Variants in PDIA6 observed in about 807,000 individuals in gnomAD.
PDIA6 encodes protein disulfide isomerase family A member 6.
Under a neutral mutation model 58.4 loss-of-function variants are expected in PDIA6, and 29 were observed. The ratio of observed to expected loss-of-function variants is 0.50; its 90% CI spans 0.37 to 0.68. PDIA6 has a LOEUF of 0.68. Among genes scored for constraint, PDIA6 ranks in the 30% least tolerant of loss-of-function variants. The probability of loss-of-function intolerance (pLI) is 0.00; values close to 1 mark genes in which losing one functional copy is unlikely to be tolerated. For synonymous variants in PDIA6, 192 were observed against 202.6 expected (o/e 0.95, Z 0.44); for missense variants, 480 against 551.0 (o/e 0.87, Z 1.29).
intron 1 of PDIA6, among the ~76,000 whole-genome samples, chr2:10,806,624 A>AAGACAGACAGACAGACAGACAGACAGAC (rs1188648071): frequency 6.4e-5 from 9 of 139,658 alleles, no homozygotes; most frequent in Non-Finnish European, 1.1e-4. Context: ...CTAAAAAATA[A>AAGACAGACAGACAGACAGACAGACAGAC]AGACAGAAAG....
At chr2:10,793,900 G>A (rs959841624) in intron 4 of PDIA6, among the ~76,000 whole-genome samples, 3 of 152,164 alleles carry the variant, frequency 2.0e-5, no homozygotes, top group African/African-American at 4.8e-5. Flanking sequence ...CCAAGTAACT[G>A]GAAACCATTC....
chr2:10,802,375 T>C, intron 2 of PDIA6, 124 bp downstream of exon 2: 1 of 540,244 alleles, frequency 1.9e-6, no homozygotes, highest in Non-Finnish European at 3.0e-6. Context: ...TTCCCTCTTC[T>C]CTACTTCTTT....
chr2:10,784,044 ATTCACCGGCTACAAC>A lies in PDIA6; in HGVS notation c.*199_*213del. The A allele has an allele frequency of 2.5e-6, 1 of 401,498 alleles. No individual in the cohort carries two copies. The highest frequency in any genetic ancestry group is 4.4e-6 in the Non-Finnish European group (1 of 226,260). The allele number at this position is 401,498 out of a possible 1,614,324, so 24.9% of individuals were successfully genotyped here. A position where few individuals can be genotyped will look rare whatever the true frequency, so the allele number is the denominator to read the frequency against. On this transcript the variant is annotated 3_prime_UTR_variant, in exon 13 of 13. Transcript: ENST00000272227. ...ATATTATGTGACAGAATACGACTCA[ATTCACCGGCTACAAC>A]AATTCATAGAATTTTTCAATGTTTT... is the stretch of plus-strand genomic sequence containing the variant.
At chr2:10,785,612 G>A (rs1665688475) in intron 11 of PDIA6, among the ~76,000 whole-genome samples, 1 of 151,946 alleles carries the variant, frequency 6.6e-6, no homozygotes, top group South Asian at 2.1e-4. Context: ...GGCACCAATG[G>A]GCTAGAATAA....
chr2:10,803,409 G>A (rs940297758), intron 1 of PDIA6, among the ~76,000 whole-genome samples: 42 of 152,270 alleles, frequency 2.8e-4, no homozygotes, highest in Admixed American at 7.8e-4. Flanking sequence ...CGCCTGCCTC[G>A]GCCTCCCAAA....
chr2:10,817,230 T>C (rs1377854392), upstream of PDIA6, among the ~76,000 whole-genome samples: 2 of 152,192 alleles, frequency 1.3e-5, no homozygotes, highest in African/African-American at 4.8e-5. Context: ...AGTAAGTGGT[T>C]TGCAGACATG....
At chr2:10,821,158 C>T (rs1667379040) in intron 1 of PDIA6, 1 of 293,312 alleles carries the variant, frequency 3.4e-6, no homozygotes, top group South Asian at 4.8e-5. Context: ...CTGAAATCCA[C>T]CTCCTTCCTT....
chr2:10,828,466 C>A (rs1304676844), intron 1 of PDIA6, among the ~76,000 whole-genome samples: 2 of 152,192 alleles, frequency 1.3e-5, no homozygotes, highest in Non-Finnish European at 2.9e-5. Context: ...TGTGTGCCCC[C>A]TCCACCCAGG....
At chr2:10,786,693 C>T (rs73170277) in intron 11 of PDIA6, among the ~76,000 whole-genome samples, 12,467 of 152,112 alleles carry the variant, frequency 0.082, 1,726 homozygotes, top group African/African-American at 0.29. Context: ...GAAATGAACG[C>T]GGAAGAAAGC....
intron 1 of PDIA6, among the ~76,000 whole-genome samples, chr2:10,819,852 T>G (rs1558461154): frequency 6.6e-6 from 1 of 152,236 alleles, no homozygotes; most frequent in Non-Finnish European, 1.5e-5. Flanking sequence ...CTTGCTTGGT[T>G]AGAGTTGCCC....
chr2:10,805,299 A>C (rs1432338623), intron 1 of PDIA6, among the ~76,000 whole-genome samples: 1 of 127,516 alleles, frequency 7.8e-6, no homozygotes, highest in African/African-American at 2.9e-5. Flanking sequence ...GCCAAAAAAC[A>C]CATGAAAAAA....
upstream of PDIA6, among the ~76,000 whole-genome samples, chr2:10,834,715 C>CT (rs1157583199): frequency 1.9e-5 from 1 of 52,324 alleles, no homozygotes; most frequent in African/African-American, 6.8e-5. Flanking sequence ...CCCTCCCTCC[C>CT]TCCCTCCCTT....
chr2:10,824,721 G>A (rs1428865433), intron 1 of PDIA6, among the ~76,000 whole-genome samples: 1 of 152,250 alleles, frequency 6.6e-6, no homozygotes, highest in African/African-American at 2.4e-5. Context: ...GAGAAATGGA[G>A]ACAATACCTG....
At chr2:10,820,728 G>C in intron 1 of PDIA6, 1 of 702,864 alleles carries the variant, frequency 1.4e-6, no homozygotes, top group Non-Finnish European at 2.6e-6. Flanking sequence ...AGCGGCACCA[G>C]CTGGGGTGGC....
intron 1 of PDIA6, chr2:10,823,411 G>T (rs1667458520): frequency 6.6e-6 from 1 of 152,206 alleles, no homozygotes; most frequent in Non-Finnish European, 1.5e-5. Context: ...TGAATAAAGT[G>T]GGAGAGGGTT....
chr2:10,809,966 C>T (rs1666933202), intron 1 of PDIA6, among the ~76,000 whole-genome samples: 1 of 134,962 alleles, frequency 7.4e-6, no homozygotes. Flanking sequence ...TTATATTTTC[C>T]TCCTCCCCTC....
chr2:10,814,606 G>A (rs1667135953), upstream of PDIA6, among the ~76,000 whole-genome samples: 2 of 152,180 alleles, frequency 1.3e-5, no homozygotes, highest in Non-Finnish European at 2.9e-5. Context: ...TTGCTGACTG[G>A]ATTACAGCGA....
chr2:10,813,860 G>A (rs926200513), upstream of PDIA6, among the ~76,000 whole-genome samples: 1 of 150,740 alleles, frequency 6.6e-6, no homozygotes, highest in Non-Finnish European at 1.5e-5. Flanking sequence ...GAGAAGCTGG[G>A]ATGACAGGTG....
intron 2 of PDIA6, chr2:10,819,240 G>T: frequency 7.6e-7 from 1 of 1,319,698 alleles, no homozygotes; most frequent in South Asian, 1.3e-5. Flanking sequence ...GTGAACAGAT[G>T]GAGGCTCCTA....
Sources: allele counts gnomAD v4.1 joint callset (sites outside exome capture counted in the v4.1 genomes callset), GRCh38; gene constraint gnomAD v4.1.1; transcripts MANE v1.5; gene names NCBI Gene and HGNC (gene_info 2026-07-23, HGNC 2026-07-21).